Variants in TESMIN observed in about 807,000 individuals in gnomAD.
TESMIN encodes the protein CXC domain containing 2.
A neutral mutation model predicts 47.4 loss-of-function variants in TESMIN; 34 were observed. The ratio of observed to expected loss-of-function variants is 0.72; its 90% CI spans 0.55 to 0.96. The LOEUF is 0.96. TESMIN is among the 40% of genes least tolerant of loss of function. TESMIN has a pLI of 0.00. For synonymous variants in TESMIN, 278 were observed against 258.9 expected, an observed-to-expected ratio of 1.07 and a Z score of -0.71; for missense variants, 610 against 637.2, an observed-to-expected ratio of 0.96 and a Z score of 0.46.
Position 68,747,250 on chromosome 11 carries a change from C to A in TESMIN, c.588G>T (p.Glu196Asp). 6.2e-7 allele frequency: 1 copy of A among 1,614,164 alleles called. No individual in the cohort carries two copies. The highest frequency in any genetic ancestry group is 8.5e-7 in the Non-Finnish European group (1 of 1,180,006). Residue 196 changes from glutamate to aspartate, a missense_variant, in exon 3 of 10, where the codon GAG becomes GAT. By Grantham distance (45) the Glu-to-Asp change is conservative (BLOSUM62 2). Transcript: ENST00000255087. The stretch of plus-strand genomic sequence containing the variant: ...TCTTAAGAGAACAGCAGGAGGCATC[C>A]TCTAGTTCCTGGGACGATGGGAACT... ...CCKFPSSQEL[E>D]DASCCSLKKD...
chr11:68,730,663 C>T lies in TESMIN; in HGVS notation c.917+8037G>A, dbSNP rs1034111376. 3.9e-5 allele frequency among the ~76,000 whole-genome samples: 6 copies of T among 152,062 alleles called. No individual in the cohort carries two copies. In the Middle Eastern group the frequency reaches 0.01, roughly 259 times the overall value. On this transcript the variant is annotated intron_variant, in intron 6 of 9. Coordinates refer to ENST00000255087, the MANE Select transcript of TESMIN (RefSeq NM_004923.3). ...TGCAAAAATTAGCTGGGCATGGTGG[C>T]GGGCACCTATAATCTCAGCTACTCA...
At chr11:68,735,347 G>A (rs1027193366) in intron 6 of TESMIN, among the ~76,000 whole-genome samples, 3 of 152,186 alleles carry the variant, frequency 2.0e-5, no homozygotes, top group African/African-American at 7.2e-5. Context: ...AACGAAAACT[G>A]TTCTGTTGAG....
intron 9 of TESMIN, among the ~76,000 whole-genome samples, chr11:68,709,488 T>C (rs893159102): frequency 2.0e-5 from 3 of 152,202 alleles, no homozygotes; most frequent in Non-Finnish European, 4.4e-5. Context: ...GGAAGACAAG[T>C]TGAACCGCAT....
In TESMIN at chr11:68,745,016, T is replaced by C. The variant is rs761732540; in HGVS notation, c.726A>G (p.Gln242=). Residue 242 remains glutamine (Q), a synonymous_variant, in exon 4 of 10, where the codon CAA becomes CAG. Transcript: ENST00000255087. ...CTGACTGTAGATAATTATTTTGATC[T>C]TGATACTGAGGAACCAAATGGAGTG... ...LKALHLVPQY[Q]DQNNYLQSDV... 2 of 1,580,054 alleles carry C rather than the reference T, an allele frequency of 1.3e-6. No individual in the cohort carries two copies. Among genetic ancestry groups the C allele is most frequent in the Non-Finnish European group, 8.6e-7 (1 of 1,169,256 alleles).
chr11:68,742,439 C>T, intron 4 of TESMIN, 45 bp from the exon 5 acceptor site: 1 of 1,277,326 alleles, frequency 7.8e-7, no homozygotes, highest in African/African-American at 1.5e-5. Context: ...TCTATCGTTC[C>T]TCTTCCACTT....
chr11:68,712,512 A>G (rs1361716762), intron 8 of TESMIN, among the ~76,000 whole-genome samples: 1 of 152,218 alleles, frequency 6.6e-6, no homozygotes, highest in African/African-American at 2.4e-5. Context: ...GAGGTTTGTA[A>G]GGAAGGTTTG....
Position 68,747,236 on chromosome 11 carries a change from C to A in TESMIN, c.602G>T (p.Cys201Phe), listed in dbSNP as rs754119478. ...SSQELEDASC[C>F]SLKKDSNPMV... ...TGGGTTGGAATCTTTCTTAAGAGAA[C>A]AGCAGGAGGCATCCTCTAGTTCCTG... The change falls in exon 3 of 10, where the codon TGT becomes TTT. Residue 201 changes from cysteine to phenylalanine, a missense_variant. Coordinates refer to ENST00000255087, the MANE Select transcript of TESMIN (RefSeq NM_004923.3). 6.2e-7 allele frequency: 1 copy of A among 1,614,192 alleles called. No homozygotes were observed. Among genetic ancestry groups the A allele is most frequent in the South Asian group, 1.1e-5 (1 of 91,090 alleles).
intron 6 of TESMIN, among the ~76,000 whole-genome samples, chr11:68,717,887 T>G (rs1946158671): frequency 6.6e-6 from 1 of 152,068 alleles, no homozygotes; most frequent in Non-Finnish European, 1.5e-5. Context: ...CCAAGAAAAG[T>G]GATTGTTGAG....
intron 6 of TESMIN, among the ~76,000 whole-genome samples, chr11:68,718,066 T>C (rs2153990982): frequency 6.6e-6 from 1 of 150,874 alleles, no homozygotes; most frequent in African/African-American, 2.4e-5. Flanking sequence ...GACCAAGCCC[T>C]CAGCAGTGCA....
chr11:68,744,435 A>G (rs1396415203), intron 4 of TESMIN, among the ~76,000 whole-genome samples: 5 of 152,244 alleles, frequency 3.3e-5, no homozygotes, highest in Non-Finnish European at 5.9e-5. Flanking sequence ...TCAAGTACTT[A>G]CAGGTCATTT....
chr11:68,738,206 A>T (rs1946410521), intron 6 of TESMIN: 1 of 987,432 alleles, frequency 1.0e-6, no homozygotes, highest in Non-Finnish European at 1.2e-6. Flanking sequence ...GCCTATGTCC[A>T]CCTGGAGATG....
intron 5 of TESMIN, among the ~76,000 whole-genome samples, chr11:68,740,567 G>T (rs911676569): frequency 6.6e-6 from 1 of 152,140 alleles, no homozygotes; most frequent in African/African-American, 2.4e-5. Context: ...CAGCGTGGAG[G>T]GGGCCAGACG....
At chr11:68,735,239 G>A (rs1344254193) in intron 6 of TESMIN, among the ~76,000 whole-genome samples, 2 of 152,164 alleles carry the variant, frequency 1.3e-5, no homozygotes, top group Non-Finnish European at 2.9e-5. Context: ...CTGTTCAGAG[G>A]GGGGGCTCTG....
chr11:68,712,966 C>T (rs927584736), intron 8 of TESMIN, among the ~76,000 whole-genome samples: 2 of 152,086 alleles, frequency 1.3e-5, no homozygotes, highest in South Asian at 2.1e-4. Context: ...GGAGGACCAG[C>T]GTGGATCAGT....
At chr11:68,706,022 CAAAAAAAAAA>C (rs11306603), downstream of TESMIN, among the ~76,000 whole-genome samples, 4 of 84,440 alleles carry the variant, frequency 4.7e-5, no homozygotes, top group African/African-American at 9.5e-5. Flanking sequence ...GACTCCGTCT[CAAAAAAAAAA>C]AAAAAAAAAA....
At chr11:68,717,841 A>G (rs868378095) in intron 6 of TESMIN, among the ~76,000 whole-genome samples, 6 of 152,148 alleles carry the variant, frequency 3.9e-5, no homozygotes, top group Admixed American at 1.3e-4. Flanking sequence ...CTCTTGGAGC[A>G]AAACCATTGG....
intron 6 of TESMIN, among the ~76,000 whole-genome samples, chr11:68,734,300 G>C (rs1946362268): frequency 6.6e-6 from 1 of 152,150 alleles, no homozygotes; most frequent in Non-Finnish European, 1.5e-5. Context: ...GTCATCTTCA[G>C]GGGCATTAGA....
chr11:68,712,785 T>C (rs528268868), intron 8 of TESMIN, among the ~76,000 whole-genome samples: 71 of 152,322 alleles, frequency 4.7e-4, no homozygotes, highest in Middle Eastern at 3.4e-3. Context: ...AGGGAGGAGC[T>C]ACCCTTGGTC....
chr11:68,719,328 A>C (rs1469098306), intron 6 of TESMIN, among the ~76,000 whole-genome samples: 1 of 152,252 alleles, frequency 6.6e-6, no homozygotes, highest in Non-Finnish European at 1.5e-5. Flanking sequence ...TCAGGAAAGG[A>C]TAATTCATGA....
Sources: gnomAD v4.1 joint callset for allele counts (sites outside exome capture counted in the v4.1 genomes callset) on GRCh38, gnomAD v4.1.1 for gene constraint, MANE v1.5 for transcripts, NCBI Gene and HGNC (gene_info 2026-07-23, HGNC 2026-07-21) for gene names.